NKAIN2: variants seen among roughly 807,000 people sequenced by gnomAD.
NKAIN2 encodes the protein sodium/potassium transporting ATPase interacting 2.
In NKAIN2, 14 loss-of-function variants were observed where a neutral mutation model predicts 32.6. The ratio of observed to expected loss-of-function variants is 0.43; its 90% CI spans 0.28 to 0.67. The LOEUF is 0.67. NKAIN2 is among the 30% of genes least tolerant of loss of function. NKAIN2 has a pLI of 0.17. For synonymous variants in NKAIN2, 80 were observed against 87.2 expected (o/e 0.92, Z 0.46); for missense variants, 198 against 258.3 (o/e 0.77, Z 1.60).
At chr6:124,423,892 G>A (rs899126941) in intron 3 of NKAIN2, among the ~76,000 whole-genome samples, 2 of 152,134 alleles carry the variant, frequency 1.3e-5, no homozygotes, top group East Asian at 3.8e-4. Flanking sequence ...TAATTTTTTT[G>A]TTCTTTATAA....
At chr6:124,435,443 T>A (rs1775401242) in intron 3 of NKAIN2, among the ~76,000 whole-genome samples, 1 of 152,316 alleles carries the variant, frequency 6.6e-6, no homozygotes, top group East Asian at 1.9e-4. Context: ...GTTTTTTGTT[T>A]GCTATAGTTC....
chr6:124,554,343 T>G (rs1276052904), intron 3 of NKAIN2, among the ~76,000 whole-genome samples: 1 of 152,242 alleles, frequency 6.6e-6, no homozygotes, highest in Non-Finnish European at 1.5e-5. Flanking sequence ...TGAAATGTTT[T>G]TAAGCCAAAA....
intron 4 of NKAIN2, among the ~76,000 whole-genome samples, chr6:124,662,807 C>CTGTT (rs2114444260): frequency 1.3e-5 from 2 of 152,266 alleles, no homozygotes; most frequent in East Asian, 3.9e-4. Context: ...GTGCATGTTG[C>CTGTT]TGTTTGATGC....
intron 3 of NKAIN2, among the ~76,000 whole-genome samples, chr6:124,556,044 T>A (rs1162453518): frequency 6.7e-6 from 1 of 150,274 alleles, no homozygotes; most frequent in Non-Finnish European, 1.5e-5. Flanking sequence ...CTTCCAATTC[T>A]CCTTCAATTA....
intron 1 of NKAIN2, among the ~76,000 whole-genome samples, chr6:123,880,132 C>T (rs1291899690): frequency 6.6e-6 from 1 of 152,124 alleles, no homozygotes; most frequent in African/African-American, 2.4e-5. Context: ...GAGCACGAGG[C>T]ATTTTGCAGT....
chr6:124,632,687 C>A (rs908827875), intron 3 of NKAIN2, among the ~76,000 whole-genome samples: 17 of 151,978 alleles, frequency 1.1e-4, no homozygotes, highest in African/African-American at 4.1e-4. Context: ...TGGAAACAAT[C>A]CAAATGAAAT....
chr6:124,752,131 G>T (rs1462840551), intron 4 of NKAIN2, among the ~76,000 whole-genome samples: 1 of 151,800 alleles, frequency 6.6e-6, no homozygotes, highest in African/African-American at 2.4e-5. Context: ...CAATTAAAAG[G>T]CAGTGGAGGT....
At chr6:124,046,144 G>T (rs917277152) in intron 1 of NKAIN2, among the ~76,000 whole-genome samples, 1 of 151,854 alleles carries the variant, frequency 6.6e-6, no homozygotes, top group African/African-American at 2.4e-5. Context: ...GCCATTGTGG[G>T]TTTATATCTG....
intron 1 of NKAIN2, among the ~76,000 whole-genome samples, chr6:123,916,971 C>G (rs1009862764): frequency 6.6e-6 from 1 of 152,106 alleles, no homozygotes; most frequent in South Asian, 2.1e-4. Context: ...TGTCAAAAGT[C>G]AGTCCTCTTC....
chr6:124,579,991 A>G (rs1373522563), intron 3 of NKAIN2, among the ~76,000 whole-genome samples: 2 of 152,188 alleles, frequency 1.3e-5, no homozygotes, highest in Non-Finnish European at 2.9e-5. Flanking sequence ...AGCAAAAAAT[A>G]TCCTTCAAAC....
chr6:124,136,114 G>T (rs374991907), intron 1 of NKAIN2, among the ~76,000 whole-genome samples: 1 of 152,004 alleles, frequency 6.6e-6, no homozygotes, highest in Non-Finnish European at 1.5e-5. Flanking sequence ...AGATAAATAC[G>T]ATTGATAAAC....
intron 1 of NKAIN2, among the ~76,000 whole-genome samples, chr6:123,960,504 G>A (rs1777795615): frequency 6.6e-6 from 1 of 152,060 alleles, no homozygotes; most frequent in Admixed American, 6.6e-5. Flanking sequence ...GACACATAGT[G>A]GCTCTGCCTC....
intron 2 of NKAIN2, among the ~76,000 whole-genome samples, chr6:124,322,091 C>G (rs1222343895): frequency 6.6e-6 from 1 of 151,902 alleles, no homozygotes; most frequent in African/African-American, 2.4e-5. Flanking sequence ...ATAATTCCAA[C>G]CAAAAGATAA....
intron 1 of NKAIN2, among the ~76,000 whole-genome samples, chr6:124,113,449 G>T (rs962544409): frequency 2.6e-5 from 4 of 152,006 alleles, no homozygotes; most frequent in African/African-American, 9.7e-5. Context: ...AAAAAATTGG[G>T]ATTTTTTTTG....
chr6:124,039,645 A>T (rs186810), intron 1 of NKAIN2, among the ~76,000 whole-genome samples: 15,678 of 151,882 alleles, frequency 0.1, 901 homozygotes, highest in Non-Finnish European at 0.13. Flanking sequence ...TAGGCAATTC[A>T]TGTCTTGTTT....
intron 3 of NKAIN2, among the ~76,000 whole-genome samples, chr6:124,358,423 C>T (rs1799097862): frequency 6.6e-6 from 1 of 152,048 alleles, no homozygotes; most frequent in Non-Finnish European, 1.5e-5. Context: ...ATCTCCACAT[C>T]CTCTCCAGCA....
intron 3 of NKAIN2, among the ~76,000 whole-genome samples, chr6:124,360,762 T>C (rs905608215): frequency 6.6e-6 from 1 of 152,170 alleles, no homozygotes; most frequent in Non-Finnish European, 1.5e-5. Context: ...TGCATTGAGA[T>C]ATTAGTGTTG....
intron 3 of NKAIN2, among the ~76,000 whole-genome samples, chr6:124,495,440 A>C (rs1380783874): frequency 6.6e-6 from 1 of 151,992 alleles, no homozygotes; most frequent in Non-Finnish European, 1.5e-5. Flanking sequence ...GCCTAAGGGC[A>C]GTGCCTCTCA....
intron 1 of NKAIN2, among the ~76,000 whole-genome samples, chr6:123,915,066 A>T (rs897587684): frequency 6.6e-6 from 1 of 152,148 alleles, no homozygotes; most frequent in Non-Finnish European, 1.5e-5. Context: ...AAGGTTTAAA[A>T]TTCACAGCTT....
Sources: gnomAD v4.1 joint callset for allele counts (sites outside exome capture counted in the v4.1 genomes callset) on GRCh38, gnomAD v4.1.1 for gene constraint, MANE v1.5 for transcripts, NCBI Gene and HGNC (gene_info 2026-07-23, HGNC 2026-07-21) for gene names.